ST8SIA6: variants seen among roughly 807,000 people sequenced by gnomAD.
ST8SIA6 encodes alpha-2,8-sialyltransferase 8F.
In ST8SIA6, 39 loss-of-function variants were observed where a neutral mutation model predicts 33.6. The observed-to-expected ratio is 1.16, with a 90% confidence interval of 0.90 to 1.52. The LOEUF (loss-of-function observed/expected upper bound fraction) is 1.52, where lower values mean the gene tolerates loss of function less well. Among genes scored for constraint, ST8SIA6 ranks in the 40% most tolerant of loss-of-function variants. The probability of loss-of-function intolerance (pLI) is 0.00; values close to 1 mark genes in which losing one functional copy is unlikely to be tolerated. For synonymous variants in ST8SIA6, 172 were observed against 167.2 expected, an observed-to-expected ratio of 1.03 and a Z score of -0.22; for missense variants, 441 against 443.8, an observed-to-expected ratio of 0.99 and a Z score of 0.06.
At position 17,316,188 on chromosome 10, in the gene ST8SIA6, C is replaced by G. The variant is rs948747936; in HGVS notation, c.*4690G>C. On this transcript the variant is annotated 3_prime_UTR_variant, in exon 8 of 8. Transcript: ENST00000377602. ...GATTACCCTCTTCTTAATGGGTACC[C>G]TTCTTGTATTTGACACGTAGCCTTG... Among the ~76,000 whole-genome samples, 4 of 151,960 alleles carry G rather than the reference C, an allele frequency of 2.6e-5. No homozygotes were observed. The highest frequency in any genetic ancestry group is 9.7e-5 in the African/African-American group (4 of 41,420).
intron 3 of ST8SIA6, among the ~76,000 whole-genome samples, chr10:17,388,167 C>CT (rs1850450766): frequency 6.6e-6 from 1 of 152,200 alleles, no homozygotes; most frequent in African/African-American, 2.4e-5. Context: ...CAGCAGGAAA[C>CT]TTTAAATTGT....
chr10:17,401,596 G>A (rs1851045242), intron 2 of ST8SIA6, among the ~76,000 whole-genome samples: 1 of 152,134 alleles, frequency 6.6e-6, no homozygotes, highest in African/African-American at 2.4e-5. Context: ...GAGACCAATG[G>A]AACAGAACTG....
chr10:17,392,629 C>T (rs773365457), intron 2 of ST8SIA6, among the ~76,000 whole-genome samples: 1 of 152,010 alleles, frequency 6.6e-6, no homozygotes, highest in Non-Finnish European at 1.5e-5. Context: ...GGGGTGATTG[C>T]AGAGAAATGA....
At chr10:17,337,504 C>G (rs1848543472) in intron 4 of ST8SIA6, among the ~76,000 whole-genome samples, 1 of 152,082 alleles carries the variant, frequency 6.6e-6, no homozygotes, top group Admixed American at 6.5e-5. Context: ...GGAAAAATAT[C>G]AGAATTATAA....
chr10:17,375,610 C>T (rs1849889030), intron 3 of ST8SIA6, among the ~76,000 whole-genome samples: 1 of 152,224 alleles, frequency 6.6e-6, no homozygotes, highest in African/African-American at 2.4e-5. Flanking sequence ...CAAACATAGA[C>T]ACTCACCTAT....
chr10:17,360,708 T>G (rs1404255569), intron 3 of ST8SIA6, among the ~76,000 whole-genome samples: 2 of 151,918 alleles, frequency 1.3e-5, no homozygotes, highest in East Asian at 3.9e-4. Flanking sequence ...ATCATTAAAA[T>G]GTTATCATAA....
chr10:17,412,331 A>G (rs543042612), intron 2 of ST8SIA6, among the ~76,000 whole-genome samples: 3 of 152,126 alleles, frequency 2.0e-5, no homozygotes, highest in Non-Finnish European at 2.9e-5. Flanking sequence ...GCCAAGCCCA[A>G]TCCCCAGACC....
At chr10:17,354,369 A>C (rs919442684) in intron 4 of ST8SIA6, among the ~76,000 whole-genome samples, 55 of 152,240 alleles carry the variant, frequency 3.6e-4, no homozygotes, top group Non-Finnish European at 1.5e-5. Flanking sequence ...ATCCAGGTAG[A>C]TTTTTCACAA....
chr10:17,412,967 G>A (rs1056074866), intron 2 of ST8SIA6, among the ~76,000 whole-genome samples: 2 of 152,132 alleles, frequency 1.3e-5, no homozygotes, highest in African/African-American at 2.4e-5. Flanking sequence ...ACATTATTAT[G>A]CATCAATTAA....
At chr10:17,444,264 C>G (rs1852617321) in intron 2 of ST8SIA6, among the ~76,000 whole-genome samples, 1 of 152,210 alleles carries the variant, frequency 6.6e-6, no homozygotes, top group African/African-American at 2.4e-5. Flanking sequence ...ATTTTTGTTG[C>G]AGGGAAACCA....
At chr10:17,390,246 G>C (rs1850536507) in intron 3 of ST8SIA6, among the ~76,000 whole-genome samples, 1 of 152,086 alleles carries the variant, frequency 6.6e-6, no homozygotes, top group Non-Finnish European at 1.5e-5. Context: ...GCCTCCCCAA[G>C]CACTGGGATT....
intron 2 of ST8SIA6, among the ~76,000 whole-genome samples, chr10:17,429,935 G>GT (rs796371983): frequency 5.9e-5 from 9 of 152,210 alleles, no homozygotes; most frequent in South Asian, 2.1e-4. Flanking sequence ...GGGTACAAGT[G>GT]TTTTTTTGTT....
intron 4 of ST8SIA6, among the ~76,000 whole-genome samples, chr10:17,347,105 A>C (rs1410116817): frequency 6.6e-6 from 1 of 152,216 alleles, no homozygotes; most frequent in Non-Finnish European, 1.5e-5. Context: ...GCCTTTACTT[A>C]ATGTCAATTG....
Position 17,327,029 on chromosome 10 carries a change from GATTTATCT to G in ST8SIA6, c.612_619del (p.Asp205ArgfsTer5). The G allele has an allele frequency of 6.2e-7, 1 of 1,600,322 alleles. No homozygotes were observed. The highest frequency in any genetic ancestry group is 8.5e-7 in the Non-Finnish European group (1 of 1,174,852). The stretch of plus-strand genomic sequence containing the variant: ...CAGGTCTTACCTAAAAACGAAGTCG[GATTTATCT>G]ATTTCAGTTCCACAGAGAGACTTAT... On this transcript the variant is annotated frameshift_variant, in exon 6 of 8. Coordinates refer to ENST00000377602, the MANE Select transcript of ST8SIA6 (RefSeq NM_001004470.3). LOFTEE classifies it high-confidence loss of function.
intron 2 of ST8SIA6, among the ~76,000 whole-genome samples, chr10:17,423,688 G>A (rs1255547099): frequency 6.6e-6 from 1 of 152,000 alleles, no homozygotes; most frequent in Non-Finnish European, 1.5e-5. Flanking sequence ...CTACAGAAAA[G>A]GGGCATGCCC....
chr10:17,395,945 A>G (rs1850790056), intron 2 of ST8SIA6, among the ~76,000 whole-genome samples: 1 of 152,186 alleles, frequency 6.6e-6, no homozygotes, highest in Non-Finnish European at 1.5e-5. Context: ...CAGAACTGCC[A>G]AACTATACAG....
At chr10:17,343,992 T>C (rs969475903) in intron 4 of ST8SIA6, among the ~76,000 whole-genome samples, 1 of 152,182 alleles carries the variant, frequency 6.6e-6, no homozygotes, top group Non-Finnish European at 1.5e-5. Flanking sequence ...CCTGTTGTTG[T>C]CCCCATTTTT....
chr10:17,394,994 C>T (rs1850756671), intron 2 of ST8SIA6, among the ~76,000 whole-genome samples: 1 of 152,148 alleles, frequency 6.6e-6, no homozygotes, highest in Non-Finnish European at 1.5e-5. Context: ...GCTGTGTCCC[C>T]ACCCATATCT....
intron 4 of ST8SIA6, among the ~76,000 whole-genome samples, chr10:17,358,533 C>T (rs368133722): frequency 2.1e-5 from 3 of 144,550 alleles, no homozygotes; most frequent in Non-Finnish European, 3.0e-5. Flanking sequence ...TGGCATAGCA[C>T]AAAATTGGAA....
Sources: allele counts gnomAD v4.1 joint callset (sites outside exome capture counted in the v4.1 genomes callset), GRCh38; gene constraint gnomAD v4.1.1; transcripts MANE v1.5; gene names NCBI Gene and HGNC (gene_info 2026-07-23, HGNC 2026-07-21).